Variants in SLIT3 observed in about 807,000 individuals in gnomAD.
SLIT3 encodes slit homolog 3 protein.
Under a neutral mutation model 184.0 loss-of-function variants are expected in SLIT3, and 68 were observed. The observed-to-expected ratio is 0.37, with a 90% CI of 0.30 to 0.45. The LOEUF (loss-of-function observed/expected upper bound fraction) is 0.45, where lower values mean the gene tolerates loss of function less well. Among genes scored for constraint, SLIT3 ranks in the 20% least tolerant of loss-of-function variants. The pLI is 1.00. For missense variants in SLIT3, 1,707 were observed against 2,026.0 expected (o/e 0.84, Z 3.02); for synonymous variants, 831 against 828.6 (o/e 1.00, Z -0.05).
chr5:169,079,980 G>A (rs951867236), intron 4 of SLIT3, among the ~76,000 whole-genome samples: 2 of 151,676 alleles, frequency 1.3e-5, no homozygotes, highest in Non-Finnish European at 2.9e-5. Context: ...GATTATGCAC[G>A]ACACTTGTTA....
chr5:169,203,351 G>GCACACACACACA (rs36206656), intron 3 of SLIT3, among the ~76,000 whole-genome samples: 235 of 147,528 alleles, frequency 1.6e-3, no homozygotes, highest in African/African-American at 4.1e-3. Context: ...ATGTGAATGT[G>GCACACACACACA]CACACACACA....
rs186314724 is a variant in SLIT3, at chr5:168,913,507, C to A, written c.414-30171G>T. Among the ~76,000 whole-genome samples the A allele has an allele frequency of 1.1e-3, 166 of 152,226 alleles. 1 individual carries two copies. The highest frequency in any genetic ancestry group is 3.8e-3 in the African/African-American group (158 of 41,536). ...ATCTGGCTGGGCATAGTGGCTCATG[C>A]CTGTAGTACCAGCACTTTGGGAGGC... On this transcript the variant is annotated intron_variant, in intron 4 of 35. Coordinates refer to ENST00000519560, the MANE Select transcript of SLIT3 (RefSeq NM_003062.4).
chr5:168,975,856 C>T (rs902921365), intron 4 of SLIT3, among the ~76,000 whole-genome samples: 1 of 152,148 alleles, frequency 6.6e-6, no homozygotes, highest in South Asian at 2.1e-4. Flanking sequence ...GCATCCAGAG[C>T]TACGGGTGGG....
At chr5:169,117,973 T>C (rs1760746610) in intron 4 of SLIT3, among the ~76,000 whole-genome samples, 1 of 152,208 alleles carries the variant, frequency 6.6e-6, no homozygotes, top group Non-Finnish European at 1.5e-5. Context: ...AATGTTATGG[T>C]TGTCACATTC....
intron 3 of SLIT3, among the ~76,000 whole-genome samples, chr5:169,244,006 C>T (rs1765491980): frequency 6.6e-6 from 1 of 152,248 alleles, no homozygotes; most frequent in Non-Finnish European, 1.5e-5. Flanking sequence ...ATCTGAGCAG[C>T]TCTCCTCAAA....
intron 4 of SLIT3, among the ~76,000 whole-genome samples, chr5:169,009,135 A>G (rs1459176092): frequency 6.6e-6 from 1 of 152,166 alleles, no homozygotes; most frequent in Non-Finnish European, 1.5e-5. Flanking sequence ...AGGAGGAAGC[A>G]ATTATCTTAG....
chr5:168,684,040 C>T lies in SLIT3; in HGVS notation c.3612G>A (p.Leu1204=). 1 of 1,607,966 alleles carries T rather than the reference C, an allele frequency of 6.2e-7. No individual in the cohort carries two copies. Among genetic ancestry groups the T allele is most frequent in the Non-Finnish European group, 8.5e-7 (1 of 1,176,952 alleles). ...CGTGGCCCTGGTACAGCTCCAGTGC[C>T]AGGGGGTCATTGTCTCCTTTGTAGA... ...ILLYKGDNDP[L]ALELYQGHVR... Residue 1204 remains leucine (L), a synonymous_variant, in exon 32 of 36, where the codon CTG becomes CTA. Coordinates refer to ENST00000519560, the MANE Select transcript of SLIT3 (RefSeq NM_003062.4).
intron 5 of SLIT3, among the ~76,000 whole-genome samples, chr5:168,873,631 C>G (rs999401702): frequency 5.3e-5 from 8 of 152,096 alleles, no homozygotes; most frequent in African/African-American, 1.7e-4. Context: ...TACTTTCTCT[C>G]TCTCTCAAAG....
At chr5:168,838,539 G>A (rs1401109941) in intron 6 of SLIT3, among the ~76,000 whole-genome samples, 1 of 152,036 alleles carries the variant, frequency 6.6e-6, no homozygotes, top group African/African-American at 2.4e-5. Context: ...TAATCCTCTG[G>A]CTCTGCATCC....
chr5:169,051,815 G>A (rs1757825133), intron 4 of SLIT3, among the ~76,000 whole-genome samples: 1 of 152,136 alleles, frequency 6.6e-6, no homozygotes, highest in South Asian at 2.1e-4. Context: ...GGAGAGAGGG[G>A]GAGAGACAGA....
chr5:168,764,671 A>C (rs571910338), intron 14 of SLIT3, among the ~76,000 whole-genome samples: 2 of 152,202 alleles, frequency 1.3e-5, no homozygotes, highest in South Asian at 4.1e-4. Context: ...GACACTACCT[A>C]CCTAAGACAG....
chr5:168,787,361 A>T (rs1053301298), intron 11 of SLIT3, among the ~76,000 whole-genome samples: 9 of 152,074 alleles, frequency 5.9e-5, no homozygotes, highest in Admixed American at 5.2e-4. Flanking sequence ...AGTGCGTCAA[A>T]ACCACTCCCT....
At chr5:169,179,968 G>A (rs1763105539) in intron 4 of SLIT3, among the ~76,000 whole-genome samples, 1 of 152,038 alleles carries the variant, frequency 6.6e-6, no homozygotes, top group African/African-American at 2.4e-5. Context: ...AATCTATGGG[G>A]GGATGAAAGA....
At chr5:169,146,861 C>T (rs1761943303) in intron 4 of SLIT3, among the ~76,000 whole-genome samples, 1 of 152,224 alleles carries the variant, frequency 6.6e-6, no homozygotes, top group Non-Finnish European at 1.5e-5. Context: ...AATGCTGGAG[C>T]TGCCACTTAC....
chr5:168,713,313 C>T (rs1478839786), intron 23 of SLIT3, among the ~76,000 whole-genome samples: 2 of 152,216 alleles, frequency 1.3e-5, no homozygotes, highest in African/African-American at 4.8e-5. Flanking sequence ...CTCACTTACA[C>T]AGTGGTGCCA....
chr5:168,751,073 G>C (rs1754680728), intron 18 of SLIT3, among the ~76,000 whole-genome samples: 2 of 152,042 alleles, frequency 1.3e-5, no homozygotes, highest in Non-Finnish European at 2.9e-5. Flanking sequence ...GGGGGAGGGT[G>C]CTCCAGGGAG....
intron 14 of SLIT3, among the ~76,000 whole-genome samples, chr5:168,764,542 G>A (rs1296523397): frequency 6.6e-6 from 1 of 152,150 alleles, no homozygotes; most frequent in Non-Finnish European, 1.5e-5. Context: ...TTTCCATAGT[G>A]GGCTATGGTG....
At chr5:169,178,981 G>A (rs1332251341) in intron 4 of SLIT3, among the ~76,000 whole-genome samples, 3 of 152,236 alleles carry the variant, frequency 2.0e-5, no homozygotes, top group African/African-American at 7.2e-5. Flanking sequence ...GAAAGGAGAA[G>A]TGACAGGTAG....
intron 7 of SLIT3, among the ~76,000 whole-genome samples, chr5:168,818,124 G>C (rs1252643015): frequency 6.6e-6 from 1 of 152,092 alleles, no homozygotes; most frequent in Non-Finnish European, 1.5e-5. Flanking sequence ...CCAGACTCTT[G>C]CAATCCATAG....
Sources: gnomAD v4.1 joint callset for allele counts (sites outside exome capture counted in the v4.1 genomes callset) on GRCh38, gnomAD v4.1.1 for gene constraint, MANE v1.5 for transcripts, NCBI Gene and HGNC (gene_info 2026-07-23, HGNC 2026-07-21) for gene names.